The following CYLD variants were observed in gnomAD, a reference collection of about 807,000 sequenced individuals.
The protein encoded by CYLD is ubiquitin carboxyl-terminal hydrolase CYLD.
A neutral mutation model predicts 104.5 loss-of-function variants in CYLD; 26 were observed. The ratio of observed to expected loss-of-function variants is 0.25; its 90% confidence interval spans 0.18 to 0.35. The LOEUF (loss-of-function observed/expected upper bound fraction) is 0.35, where lower values mean the gene tolerates loss of function less well. CYLD is among the 10% of genes least tolerant of loss of function. CYLD has a pLI of 1.00. For synonymous variants in CYLD, 385 were observed against 399.9 expected, an observed-to-expected ratio of 0.96 and a Z score of 0.45; for missense variants, 703 against 1,136.1, an observed-to-expected ratio of 0.62 and a Z score of 5.48.
intron 3 of CYLD, among the ~76,000 whole-genome samples, chr16:50,750,790 A>G (rs187637987): frequency 1.2e-4 from 18 of 152,290 alleles, no homozygotes; most frequent in African/African-American, 3.8e-4. Flanking sequence ...GTTATCATCT[A>G]TAGGTTTCTT....
chr16:50,759,306 T>G (rs1370544665), intron 5 of CYLD, among the ~76,000 whole-genome samples: 1 of 152,176 alleles, frequency 6.6e-6, no homozygotes, highest in Admixed American at 6.5e-5. Context: ...ATATTAAGAA[T>G]AATAATGAAC....
At position 50,787,793 on chromosome 16, in the gene CYLD, G is replaced by A. The variant is rs1244463402; in HGVS notation, c.2049G>A (p.Glu683=). The change falls in exon 14 of 19, where the codon GAG becomes GAA. Residue 683 remains glutamate (E), a synonymous_variant. Coordinates refer to ENST00000427738, the MANE Select transcript of CYLD (RefSeq NM_001378743.1). ...SGFTSEEKDP[E]EFLNILFHHI... is the part of the protein sequence containing the mutation. ...TTTTAAATTTTCTCCTAGATCCTGA[G>A]GAATTCTTGAATATTCTGTTTCATC... 9.1e-6 allele frequency: 14 copies of A among 1,545,004 alleles called. No individual in the cohort carries two copies. Among genetic ancestry groups the A allele is most frequent in the Non-Finnish European group, 1.2e-5 (14 of 1,122,462 alleles).
Position 50,779,700 on chromosome 16 carries a change from T to C in CYLD, c.1174T>C (p.Ser392Pro), listed in dbSNP as rs1970025407. ...EDPAKSLTEI[S>P]TDFDRSSPPL... The stretch of plus-strand genomic sequence containing the variant: ...CCCTGCAAAATCTCTTACAGAGATA[T>C]CTACAGACTTTGACCGTTCTTCACC... Residue 392 changes from serine to proline, a missense_variant, in exon 9 of 19, where the codon TCT (serine) becomes CCT (proline). Ser to Pro is a moderately conservative substitution (Grantham distance 74, BLOSUM62 -1). Around this residue, in one of 5 missense-constraint regions of CYLD, gnomAD observed 183 missense variants for 212.1 expected, o/e 0.86. Transcript: ENST00000427738. 1.2e-6 allele frequency: 2 copies of C among 1,613,950 alleles called. No homozygotes were observed. Among genetic ancestry groups the C allele is most frequent in the Non-Finnish European group, 1.7e-6 (2 of 1,179,972 alleles).
Position 50,800,610 on chromosome 16 carries a change from G to A in CYLD, c.*4102G>A, listed in dbSNP as rs1234893740. 1 of 232,238 alleles carries A rather than the reference G, an allele frequency of 4.3e-6. No homozygotes were observed. The highest frequency in any genetic ancestry group is 8.5e-6 in the Non-Finnish European group (1 of 117,666). The allele number at this position is 232,238 out of a possible 1,614,324, so 14.4% of individuals were successfully genotyped here. A position where few individuals can be genotyped will look rare whatever the true frequency, so the allele number is the denominator to read the frequency against. On this transcript the variant is annotated 3_prime_UTR_variant, in exon 19 of 19. Coordinates refer to ENST00000427738, the MANE Select transcript of CYLD (RefSeq NM_001378743.1). ...TTATTTAGAGGAAATTGAGATTCTAGGAGCCAAAAAAATGAAAACAAAATT... is the reference window on the plus strand; with the variant it reads ...TTATTTAGAGGAAATTGAGATTCTAAGAGCCAAAAAAATGAAAACAAAATT...
rs528785995 is a variant in CYLD at position 50,799,304 on chromosome 16, T to C, written c.*2796T>C. The C allele has an allele frequency of 4.3e-6, 1 of 233,426 alleles. No individual in the cohort carries two copies. The highest frequency in any genetic ancestry group is 1.8e-4 in the South Asian group (1 of 5,522). The allele number at this position is 233,426 out of a possible 1,614,324, so 14.5% of individuals were successfully genotyped here. Reference sequence around the variant, plus strand: ...ATAAATATGTGTGTGTCTGTGTGTGTGTATATATGTATGTGGCGGAGAGGG... The same window carrying C: ...ATAAATATGTGTGTGTCTGTGTGTGCGTATATATGTATGTGGCGGAGAGGG... On this transcript the variant is annotated 3_prime_UTR_variant, in exon 19 of 19. Transcript: ENST00000427738.
At chr16:50,784,218 T>C in intron 11 of CYLD, 111 bp from the exon 12 acceptor site, 1 of 1,192,350 alleles carries the variant, frequency 8.4e-7, no homozygotes, top group South Asian at 1.2e-5. Flanking sequence ...CAAATTGTTA[T>C]GTTATTTGTT....
At chr16:50,782,157 A>G (rs1970280105) in intron 10 of CYLD, among the ~76,000 whole-genome samples, 168 bp from the exon 11 acceptor site, 2 of 152,232 alleles carry the variant, frequency 1.3e-5, no homozygotes, top group African/African-American at 4.8e-5. Flanking sequence ...AGCAATTTTT[A>G]TAAGCCAAGT....
chr16:50,776,446 C>T (rs1383819268), intron 7 of CYLD, among the ~76,000 whole-genome samples, 169 bp downstream of exon 7: 2 of 152,070 alleles, frequency 1.3e-5, no homozygotes, highest in Non-Finnish European at 2.9e-5. Context: ...TTGCTTAAGC[C>T]AAGTGTTCCC....
intron 15 of CYLD, among the ~76,000 whole-genome samples, chr16:50,792,327 A>AT (rs2151031842): frequency 6.6e-6 from 1 of 152,314 alleles, no homozygotes; most frequent in South Asian, 2.1e-4. Flanking sequence ...ATAAACCCAA[A>AT]TAAAATGCCA....
intron 18 of CYLD, among the ~76,000 whole-genome samples, chr16:50,796,111 G>A (rs899872775): frequency 6.6e-6 from 1 of 152,146 alleles, no homozygotes. Flanking sequence ...CTTTTACCAG[G>A]TTTATTCACT....
chr16:50,749,011 A>G (rs1966419115), intron 2 of CYLD, among the ~76,000 whole-genome samples: 1 of 152,142 alleles, frequency 6.6e-6, no homozygotes, highest in African/African-American at 2.4e-5. Context: ...AGACCAGCTT[A>G]GGCAACATAG....
chr16:50,781,377 G>C lies in CYLD; in HGVS notation c.1650G>C (p.Pro550=), dbSNP rs748503826. Residue 550 remains proline (P), a synonymous_variant, in exon 10 of 19, where the codon CCG becomes CCC. Transcript: ENST00000427738. The part of the protein sequence containing the change: ...RPDSRFASLQ[P]VSNQIERCNS... ...ACTCTAGGTTTGCATCATTGCAGCCGGTTTCCAATCAGATTGAGCGCTGTA... is the reference window on the plus strand; with the variant it reads ...ACTCTAGGTTTGCATCATTGCAGCCCGTTTCCAATCAGATTGAGCGCTGTA... The C allele has an allele frequency of 5.6e-6, 9 of 1,613,686 alleles. No individual in the cohort carries two copies. The highest frequency in any genetic ancestry group is 1.3e-5 in the African/African-American group (1 of 75,026).
intron 2 of CYLD, among the ~76,000 whole-genome samples, chr16:50,745,469 G>A (rs1399893435): frequency 1.4e-5 from 2 of 146,714 alleles, no homozygotes; most frequent in Non-Finnish European, 3.0e-5. Flanking sequence ...CTGGGCTCTA[G>A]CGATCTTCCC....
At position 50,784,277 on chromosome 16, in the gene CYLD, T is replaced by C. The variant is rs1970585466; in HGVS notation, c.1827-52T>C. ...CTTCTAATTCTGTTAAAAATCTGTT[T>C]CTTGAAAAATATGTTTACAGCATGA... On this transcript the variant is annotated intron_variant, in intron 11 of 18. Coordinates refer to ENST00000427738, the MANE Select transcript of CYLD (RefSeq NM_001378743.1). The C allele has an allele frequency of 1.9e-6, 3 of 1,584,772 alleles. No homozygotes were observed. In the Admixed American group the frequency reaches 5.0e-5, roughly 26 times the overall value.
At chr16:50,781,203 T>C (rs989112424) in intron 9 of CYLD, 43 bp from the exon 10 acceptor site, 1 of 1,611,156 alleles carries the variant, frequency 6.2e-7, no homozygotes, top group Admixed American at 1.7e-5. Flanking sequence ...ATACTATCTC[T>C]GTAAGGCACG....
chr16:50,782,389 C>G lies in CYLD; in HGVS notation c.1749C>G (p.Gly583=). Residue 583 remains glycine (G), a synonymous_variant, in exon 11 of 19, where the codon GGC becomes GGG. Coordinates refer to ENST00000427738, the MANE Select transcript of CYLD (RefSeq NM_001378743.1). ...ENTPPKMEKE[G]LEIMIGKKKG... ...CTCCACCAAAAATGGAAAAAGAAGG[C>G]TTGGAGATAATGATTGGGAAGAAGA... is the stretch of plus-strand genomic sequence containing the variant. 1.9e-6 allele frequency: 3 copies of G among 1,613,462 alleles called. No individual in the cohort carries two copies. The highest frequency in any genetic ancestry group is 2.5e-6 in the Non-Finnish European group (3 of 1,179,574).
chr16:50,746,439 C>T (rs1596954217), intron 2 of CYLD, among the ~76,000 whole-genome samples: 1 of 152,212 alleles, frequency 6.6e-6, no homozygotes, highest in East Asian at 1.9e-4. Context: ...TGAAGAGAAT[C>T]AATTTTTAAT....
At position 50,769,907 on chromosome 16, in the gene CYLD, C is replaced by A. The variant is rs891555075; in HGVS notation, c.914-5259C>A. On this transcript the variant is annotated intron_variant, in intron 5 of 18. Coordinates refer to ENST00000427738, the MANE Select transcript of CYLD (RefSeq NM_001378743.1). Reference sequence around the variant, plus strand: ...ATAAATGGAGTTGTACAGTATGTAACCTTTTGAGACTGGCTCTTTTTTCAC... The same window carrying A: ...ATAAATGGAGTTGTACAGTATGTAAACTTTTGAGACTGGCTCTTTTTTCAC... 2.0e-5 allele frequency among the ~76,000 whole-genome samples: 3 copies of A among 152,166 alleles called. No homozygotes were observed. In the South Asian group the frequency reaches 6.2e-4, roughly 31 times the overall value.
At chr16:50,754,232 A>G (rs997761390) in intron 4 of CYLD, 87 bp from the exon 5 acceptor site, 3 of 868,528 alleles carry the variant, frequency 3.5e-6, no homozygotes, top group Non-Finnish European at 5.8e-6. Context: ...AATGTAAAAT[A>G]TTTTGGAGGA....
Sources: gnomAD v4.1 joint callset for allele counts (sites outside exome capture counted in the v4.1 genomes callset) on GRCh38, gnomAD v4.1.1 for gene constraint, gnomAD v4.1.1 regional missense constraint, MANE v1.5 for transcripts, NCBI Gene and HGNC (gene_info 2026-07-23, HGNC 2026-07-21) for gene names.